RAP1GAP: variants seen among roughly 807,000 people sequenced by gnomAD.
RAP1GAP encodes RAP1 GTPase activating protein, also known as rap1 GTPase-activating protein 1.
In RAP1GAP, 35 loss-of-function variants were observed where a neutral mutation model predicts 87.2. That is an observed-to-expected ratio of 0.40 (90% CI 0.31 to 0.53). The LOEUF (loss-of-function observed/expected upper bound fraction) is 0.53. RAP1GAP is among the 20% of genes least tolerant of loss of function. RAP1GAP has a pLI of 0.48. For missense variants in RAP1GAP, 734 were observed against 898.9 expected, an observed-to-expected ratio of 0.82 and a Z score of 2.35; for synonymous variants, 375 against 363.9, an observed-to-expected ratio of 1.03 and a Z score of -0.35.
intron 21 of RAP1GAP, 100 bp from the exon 22 acceptor site, chr1:21,598,602 C>G: frequency 1.1e-6 from 1 of 950,744 alleles, no homozygotes; most frequent in Non-Finnish European, 1.6e-6. Flanking sequence ...TCCACAACCC[C>G]CCACCCGTAC....
intron 1 of RAP1GAP, among the ~76,000 whole-genome samples, chr1:21,664,134 A>G (rs2097258419): frequency 2.6e-5 from 4 of 152,298 alleles, no homozygotes; most frequent in Admixed American, 2.0e-4. Flanking sequence ...TTCCTGAACC[A>G]ATGACAGCCC....
chr1:21,650,790 C>G (rs2096503149), intron 1 of RAP1GAP, among the ~76,000 whole-genome samples: 2 of 152,194 alleles, frequency 1.3e-5, no homozygotes, highest in Non-Finnish European at 2.9e-5. Flanking sequence ...TGACAGCTAG[C>G]AAGACCCCAT....
intron 4 of RAP1GAP, 71 bp from the exon 5 acceptor site, chr1:21,619,143 G>T: frequency 6.7e-7 from 1 of 1,483,568 alleles, no homozygotes; most frequent in Non-Finnish European, 9.2e-7. Flanking sequence ...TCCCCAAGGC[G>T]TGCAAGGGGA....
intron 20 of RAP1GAP, 94 bp downstream of exon 20, chr1:21,601,590 C>T (rs2068561542): frequency 1.1e-6 from 1 of 911,936 alleles, no homozygotes; most frequent in East Asian, 2.7e-5. Context: ...GTGGCACAGT[C>T]AAGGCTCCTG....
In RAP1GAP at chr1:21,597,698, A is replaced by C; in HGVS notation, c.*22T>G. Reference sequence around the variant, plus strand: ...GGCTGGGTCTAACCTGCTCAGTTTCACCTTCAGAGGGGGTGGCCCGGCTAA... The same window carrying C: ...GGCTGGGTCTAACCTGCTCAGTTTCCCCTTCAGAGGGGGTGGCCCGGCTAA... On this transcript the variant is annotated 3_prime_UTR_variant, in exon 24 of 25. Transcript: ENST00000374765. 6.2e-7 allele frequency: 1 copy of C among 1,612,230 alleles called. No homozygotes were observed. Among genetic ancestry groups the C allele is most frequent in the Non-Finnish European group, 8.5e-7 (1 of 1,178,692 alleles).
chr1:21,653,232 C>T (rs2096698253), intron 1 of RAP1GAP: 1 of 152,200 alleles, frequency 6.6e-6, no homozygotes, highest in Non-Finnish European at 1.5e-5. Context: ...GATCTGCCCT[C>T]AGCCCCCTCT....
At position 21,598,434 on chromosome 1, in the gene RAP1GAP, G is replaced by A. The variant is rs1646524958; in HGVS notation, c.1845C>T (p.Asp615=). The A allele has an allele frequency of 6.2e-7, 1 of 1,613,864 alleles. No individual in the cohort carries two copies. Among genetic ancestry groups the A allele is most frequent in the African/African-American group, 1.3e-5 (1 of 74,904 alleles). ...TGCCCCCACTAGTGGTGCTGACACT[G>A]TCCTCCAGCCACGTGCTATAGATGA... ...DSFIYSTWLE[D]SVSTTSGGSS... is the part of the protein sequence containing the mutation. The change falls in exon 22 of 25, where the codon GAC becomes GAT. Residue 615 remains aspartate, a synonymous_variant. Transcript: ENST00000374765.
intron 1 of RAP1GAP, among the ~76,000 whole-genome samples, chr1:21,663,466 G>A (rs1180526455): frequency 2.6e-5 from 4 of 152,204 alleles, no homozygotes; most frequent in Non-Finnish European, 5.9e-5. Flanking sequence ...GCAGCCTCTC[G>A]AGGGTCCCTG....
chr1:21,638,513 G>A (rs1268099414), intron 2 of RAP1GAP, among the ~76,000 whole-genome samples: 1 of 151,428 alleles, frequency 6.6e-6, no homozygotes, highest in East Asian at 1.9e-4. Flanking sequence ...GGACCCTGAG[G>A]CCCAAAAGCC....
intron 2 of RAP1GAP, among the ~76,000 whole-genome samples, chr1:21,647,479 C>T (rs181703806): frequency 1.3e-5 from 2 of 152,204 alleles, no homozygotes; most frequent in East Asian, 1.9e-4. Context: ...AAACAAAAAG[C>T]GACCAAGCAC....
At chr1:21,665,479 T>C (rs6670291) in intron 1 of RAP1GAP, among the ~76,000 whole-genome samples, 1,779 of 152,216 alleles carry the variant, frequency 0.012, 38 homozygotes, top group African/African-American at 0.039. Flanking sequence ...GCTTAGTGAG[T>C]AGGCACACGA....
intron 5 of RAP1GAP, among the ~76,000 whole-genome samples, chr1:21,618,794 G>A (rs1289867170): frequency 6.6e-6 from 1 of 152,218 alleles, no homozygotes; most frequent in Admixed American, 6.5e-5. Context: ...TAGAATAGAG[G>A]CCCCAGCCCT....
intron 19 of RAP1GAP, among the ~76,000 whole-genome samples, chr1:21,602,561 G>A (rs2069627345): frequency 6.6e-6 from 1 of 152,224 alleles, no homozygotes; most frequent in South Asian, 2.1e-4. Context: ...ATCACTGGCT[G>A]TGTGATCTGG....
chr1:21,626,524 T>G, intron 2 of RAP1GAP, 127 bp from the exon 3 acceptor site: 1 of 757,624 alleles, frequency 1.3e-6, no homozygotes, highest in Non-Finnish European at 2.3e-6. Flanking sequence ...GGGTCATGGG[T>G]TCCCCAAGAG....
chr1:21,606,888 C>T (rs2075014981), intron 17 of RAP1GAP, among the ~76,000 whole-genome samples: 1 of 152,198 alleles, frequency 6.6e-6, no homozygotes, highest in Non-Finnish European at 1.5e-5. Context: ...AATCTAGGTC[C>T]ACCGTCCAGC....
chr1:21,617,325 C>T lies in RAP1GAP; in HGVS notation c.272G>A (p.Arg91Gln), dbSNP rs560505747. ...LECNPTARIY[R>Q]KHFLGKEHFN... Reference sequence around the variant, plus strand: ...ACCCACCTTGCCGAGAAAGTGCTTCCGGTAGATGCGGGCTGTGGGGTTGCA... The same window carrying T: ...ACCCACCTTGCCGAGAAAGTGCTTCTGGTAGATGCGGGCTGTGGGGTTGCA... The change falls in exon 7 of 25, where the codon CGG becomes CAG. Residue 91 changes from arginine to glutamine, a missense_variant. Around this residue, in one of 2 missense-constraint regions of RAP1GAP, gnomAD observed 485 missense variants for 646.2 expected, o/e 0.75. Transcript: ENST00000374765. The T allele has an allele frequency of 2.5e-5, 39 of 1,582,752 alleles. No individual in the cohort carries two copies. Among genetic ancestry groups the T allele is most frequent in the Admixed American group, 5.5e-5 (3 of 54,678 alleles).
chr1:21,632,619 C>T (rs1415967913), intron 2 of RAP1GAP, among the ~76,000 whole-genome samples: 1 of 152,162 alleles, frequency 6.6e-6, no homozygotes, highest in Non-Finnish European at 1.5e-5. Flanking sequence ...GCAGGGTCAG[C>T]CCAGGCTCAG....
chr1:21,618,578 C>T (rs2083980306), intron 5 of RAP1GAP, among the ~76,000 whole-genome samples: 1 of 150,886 alleles, frequency 6.6e-6, no homozygotes, highest in Non-Finnish European at 1.5e-5. Flanking sequence ...ATCACTCCCT[C>T]CCCATCCAGA....
intron 3 of RAP1GAP, among the ~76,000 whole-genome samples, chr1:21,620,539 G>A (rs186439282): frequency 0.017 from 84 of 5,066 alleles, no homozygotes; most frequent in African/African-American, 0.028. Flanking sequence ...GGGATGCCCA[G>A]CGGCCCAGCA....
Sources: gnomAD v4.1 joint callset for allele counts (sites outside exome capture counted in the v4.1 genomes callset) on GRCh38, gnomAD v4.1.1 for gene constraint, gnomAD v4.1.1 regional missense constraint, MANE v1.5 for transcripts, NCBI Gene and HGNC (gene_info 2026-07-23, HGNC 2026-07-21) for gene names.